The following MRTFB variants were observed in gnomAD, a reference collection of about 807,000 sequenced individuals.
The protein encoded by MRTFB is myocardin-related transcription factor B.
Under a neutral mutation model 104.2 loss-of-function variants are expected in MRTFB, and 29 were observed. The observed-to-expected ratio is 0.28, with a 90% confidence interval of 0.21 to 0.38. MRTFB has a LOEUF of 0.38. Ranked by LOEUF, MRTFB falls within the 10% of genes least tolerant of loss-of-function variation. The pLI, the probability that MRTFB is intolerant of heterozygous loss-of-function variation, is 1.00. For missense variants in MRTFB, 1,270 were observed against 1,341.6 expected (o/e 0.95, Z 0.83); for synonymous variants, 535 against 519.5 (o/e 1.03, Z -0.41).
At chr16:14,230,808 A>G (rs1254535753) in intron 8 of MRTFB, among the ~76,000 whole-genome samples, 1 of 152,010 alleles carries the variant, frequency 6.6e-6, no homozygotes, top group Non-Finnish European at 1.5e-5. Context: ...ACTATAAATC[A>G]TGCTGCTATA....
At chr16:14,008,973 GTC>G in the MRTFB span, among the ~76,000 whole-genome samples, 1 of 53,844 alleles carries the variant, frequency 1.9e-5, no homozygotes. Flanking sequence ...TAGAGACAGG[GTC>G]TCTCTCTCTG....
At chr16:14,149,014 T>G (rs1465267932) in intron 3 of MRTFB, among the ~76,000 whole-genome samples, 1 of 152,192 alleles carries the variant, frequency 6.6e-6, no homozygotes, top group Non-Finnish European at 1.5e-5. Context: ...GCCAGCTCTC[T>G]CAATTAGTCA....
intron 3 of MRTFB, among the ~76,000 whole-genome samples, chr16:14,173,053 A>G (rs1418503380): frequency 1.3e-5 from 2 of 152,142 alleles, no homozygotes; most frequent in Non-Finnish European, 2.9e-5. Context: ...CAGCATACTC[A>G]TATGGTTTGA....
intron 1 of MRTFB, among the ~76,000 whole-genome samples, chr16:14,078,992 G>A (rs1477552651): frequency 2.0e-5 from 3 of 152,090 alleles, no homozygotes; most frequent in Non-Finnish European, 2.9e-5. Flanking sequence ...TGGTAGAACC[G>A]GGATCTAATG....
chr16:14,038,216 C>T, the MRTFB span, among the ~76,000 whole-genome samples: 1 of 152,104 alleles, frequency 6.6e-6, no homozygotes, highest in African/African-American at 2.4e-5. Flanking sequence ...CTGTGTGTGT[C>T]TGTGTTCTAA....
intron 2 of MRTFB, among the ~76,000 whole-genome samples, chr16:14,097,682 A>G (rs1482371626): frequency 6.6e-6 from 1 of 152,226 alleles, no homozygotes; most frequent in Non-Finnish European, 1.5e-5. Context: ...GATGATGAAC[A>G]TATCCATCAC....
At chr16:14,171,306 G>C (rs2039414911) in intron 3 of MRTFB, among the ~76,000 whole-genome samples, 1 of 152,144 alleles carries the variant, frequency 6.6e-6, no homozygotes, top group South Asian at 2.1e-4. Flanking sequence ...GTCTGGGCAT[G>C]GTGCTCACGC....
At chr16:14,213,716 T>C (rs1217286666) in intron 6 of MRTFB, 96 bp downstream of exon 6, 3 of 953,044 alleles carry the variant, frequency 3.1e-6, no homozygotes, top group Non-Finnish European at 4.7e-6. Context: ...AATAACTTTT[T>C]AACCCACAGC....
Position 14,246,800 on chromosome 16 carries a change from A to G in MRTFB, c.1540A>G (p.Ser514Gly). The G allele has an allele frequency of 3.7e-6, 6 of 1,613,698 alleles. No individual in the cohort carries two copies. The highest frequency in any genetic ancestry group is 5.1e-6 in the Non-Finnish European group (6 of 1,180,038). ...TTCACCATCTCCCTCCGAACAGTCC[A>G]GTCTCAGTACTGATGACACAAACAT... Reference protein sequence around the residue: ...PISPSPSEQSSLSTDDTNMAD... With the variant: ...PISPSPSEQSGLSTDDTNMAD... Residue 514 changes from serine to glycine, a missense_variant, in exon 12 of 17, where the codon AGT becomes GGT. Physicochemically the swap from Ser to Gly is moderately conservative, Grantham distance 56 (BLOSUM62 0). Transcript: ENST00000571589.
chr16:14,096,413 A>T (rs1286503668), intron 2 of MRTFB, among the ~76,000 whole-genome samples: 2 of 152,214 alleles, frequency 1.3e-5, no homozygotes, highest in Non-Finnish European at 2.9e-5. Context: ...TTTCTAAGGA[A>T]TTCTGAAGCA....
chr16:14,226,356 A>G (rs1001564181), intron 8 of MRTFB, among the ~76,000 whole-genome samples: 7 of 152,240 alleles, frequency 4.6e-5, no homozygotes, highest in Non-Finnish European at 1.0e-4. Context: ...TAAATAGAAC[A>G]GTGAGCCCAG....
intron 13 of MRTFB, among the ~76,000 whole-genome samples, chr16:14,251,376 C>CAAAAAAA (rs776143724): frequency 2.2e-5 from 1 of 44,706 alleles, no homozygotes; most frequent in Non-Finnish European, 4.8e-5. Flanking sequence ...GACTCCGTCT[C>CAAAAAAA]AAAAAAAAAA....
chr16:14,126,445 CT>C (rs1259189385), intron 2 of MRTFB, among the ~76,000 whole-genome samples: 5 of 151,996 alleles, frequency 3.3e-5, no homozygotes, highest in Non-Finnish European at 7.4e-5. Flanking sequence ...TAGAAATAAA[CT>C]TTTTTTATTT....
At chr16:13,995,790 A>G in the MRTFB span, among the ~76,000 whole-genome samples, 2 of 152,070 alleles carry the variant, frequency 1.3e-5, no homozygotes, top group Non-Finnish European at 2.9e-5. Context: ...TTAACCAACT[A>G]GATCTAGTGA....
chr16:14,213,622 T>TAAAG lies in MRTFB; in HGVS notation c.352+3_352+6dup. On this transcript the variant is annotated splice_region_variant and intron_variant, in intron 6 of 16. Coordinates refer to ENST00000571589, the MANE Select transcript of MRTFB (RefSeq NM_001308142.2). ...TTGTCAGGATGCACATTTTAGAAGGTAAAGGATTTATTTCTTCTTAATCTG... is the reference window on the plus strand; with the variant it reads ...TTGTCAGGATGCACATTTTAGAAGGTAAAGAAAGGATTTATTTCTTCTTAATCTG... 6.3e-7 allele frequency: 1 copy of TAAAG among 1,577,428 alleles called. No homozygotes were observed. The highest frequency in any genetic ancestry group is 2.3e-5 in the East Asian group (1 of 44,152).
chr16:14,045,771 T>G, the MRTFB span, among the ~76,000 whole-genome samples: 2 of 152,202 alleles, frequency 1.3e-5, no homozygotes, highest in Non-Finnish European at 2.9e-5. Flanking sequence ...ATAGTACCTC[T>G]GTGTCCATCA....
chr16:14,031,267 T>C, the MRTFB span, among the ~76,000 whole-genome samples: 326 of 152,100 alleles, frequency 2.1e-3, 4 homozygotes, highest in African/African-American at 7.4e-3. Flanking sequence ...GGCACATGTC[T>C]GTAGTCCCAG....
the MRTFB span, among the ~76,000 whole-genome samples, chr16:14,052,541 C>T: frequency 3.3e-5 from 5 of 152,070 alleles, no homozygotes; most frequent in Admixed American, 6.5e-5. Flanking sequence ...GAGTTTGAGA[C>T]CAACCTGACC....
chr16:14,031,407 AG>A, the MRTFB span, among the ~76,000 whole-genome samples: 143 of 151,938 alleles, frequency 9.4e-4, no homozygotes, highest in African/African-American at 3.3e-3. Context: ...AAAAAAAAAA[AG>A]AATAGGTCAA....
Sources: gnomAD v4.1 joint callset for allele counts (sites outside exome capture counted in the v4.1 genomes callset) on GRCh38, gnomAD v4.1.1 for gene constraint, MANE v1.5 for transcripts, NCBI Gene and HGNC (gene_info 2026-07-23, HGNC 2026-07-21) for gene names.